The following GALNT13 variants were observed in gnomAD, a reference collection of about 807,000 sequenced individuals.
GALNT13 encodes polypeptide N-acetylgalactosaminyltransferase 13.
In GALNT13, 28 loss-of-function variants were observed where a neutral mutation model predicts 64.2. The observed-to-expected ratio is 0.44, with a 90% CI of 0.32 to 0.60. GALNT13 has a LOEUF of 0.60. Among genes scored for constraint, GALNT13 ranks in the 20% least tolerant of loss-of-function variants. The pLI is 0.05. For missense variants in GALNT13, 577 were observed against 669.8 expected, an observed-to-expected ratio of 0.86 and a Z score of 1.53; for synonymous variants, 214 against 224.6, an observed-to-expected ratio of 0.95 and a Z score of 0.42.
At chr2:154,026,091 A>G (rs530977694) in intron 3 of GALNT13, among the ~76,000 whole-genome samples, 1 of 152,284 alleles carries the variant, frequency 6.6e-6, no homozygotes, top group South Asian at 2.1e-4. Flanking sequence ...TTAAATGATT[A>G]TATAACAGTA....
At chr2:153,674,701 G>A in the GALNT13 span, among the ~76,000 whole-genome samples, 37 of 152,216 alleles carry the variant, frequency 2.4e-4, 1 homozygote, top group South Asian at 4.4e-3. Context: ...TTGACAAATA[G>A]GATCTAATTA....
intron 3 of GALNT13, among the ~76,000 whole-genome samples, chr2:153,952,484 C>T (rs1459246800): frequency 6.7e-6 from 1 of 150,358 alleles, no homozygotes; most frequent in Non-Finnish European, 1.5e-5. Flanking sequence ...TTTGGTTAGT[C>T]TACAGATAAT....
chr2:153,862,081 ATGAGAGG>A, the GALNT13 span, among the ~76,000 whole-genome samples: 1 of 152,206 alleles, frequency 6.6e-6, no homozygotes, highest in Non-Finnish European at 1.5e-5. Flanking sequence ...TGTATGTTTT[ATGAGAGG>A]TGGCTATAAA....
the GALNT13 span, among the ~76,000 whole-genome samples, chr2:153,346,845 T>C: frequency 1.3e-5 from 2 of 152,186 alleles, no homozygotes; most frequent in Non-Finnish European, 2.9e-5. Context: ...TAATTCTATA[T>C]CATAGGTGTC....
intron 3 of GALNT13, among the ~76,000 whole-genome samples, chr2:154,032,521 T>C (rs1000839763): frequency 1.3e-5 from 2 of 151,738 alleles, no homozygotes; most frequent in African/African-American, 4.8e-5. Context: ...TCAATAAAAT[T>C]TTAAGAAAAA....
intron 9 of GALNT13, among the ~76,000 whole-genome samples, chr2:154,373,588 T>C (rs1299875267): frequency 1.3e-5 from 2 of 152,194 alleles, no homozygotes; most frequent in African/African-American, 4.8e-5. Context: ...CACTGGACTT[T>C]TTGCCCTCAA....
the GALNT13 span, among the ~76,000 whole-genome samples, chr2:153,648,451 C>T: frequency 6.6e-6 from 1 of 152,128 alleles, no homozygotes; most frequent in South Asian, 2.1e-4. Flanking sequence ...ATTGAATACC[C>T]TGTATTTCCT....
the GALNT13 span, among the ~76,000 whole-genome samples, chr2:153,087,298 G>T: frequency 1.3e-5 from 2 of 152,054 alleles, no homozygotes; most frequent in Non-Finnish European, 2.9e-5. Context: ...ATTTGCATAT[G>T]TTAAACCACC....
chr2:153,351,999 G>T, the GALNT13 span, among the ~76,000 whole-genome samples: 3 of 152,222 alleles, frequency 2.0e-5, no homozygotes, highest in South Asian at 4.1e-4. Flanking sequence ...TGCATCATAT[G>T]ATAAGAGTAT....
At chr2:154,140,135 C>T (rs1683174049) in intron 3 of GALNT13, among the ~76,000 whole-genome samples, 1 of 152,026 alleles carries the variant, frequency 6.6e-6, no homozygotes, top group African/African-American at 2.4e-5. Context: ...TATAATTTAT[C>T]TAAACTTGGA....
the GALNT13 span, among the ~76,000 whole-genome samples, chr2:153,134,975 A>G: frequency 2.6e-5 from 4 of 152,156 alleles, no homozygotes; most frequent in Admixed American, 2.6e-4. Context: ...ATAGTGAGAG[A>G]GTCACAGGTT....
chr2:153,113,676 T>C, the GALNT13 span, among the ~76,000 whole-genome samples: 1 of 152,128 alleles, frequency 6.6e-6, no homozygotes, highest in Admixed American at 6.5e-5. Flanking sequence ...CTAAAAGATA[T>C]GTAATTACAT....
At chr2:154,401,076 G>A (rs991133814) in intron 10 of GALNT13, among the ~76,000 whole-genome samples, 2 of 152,170 alleles carry the variant, frequency 1.3e-5, no homozygotes, top group African/African-American at 4.8e-5. Flanking sequence ...ATTAGCATAT[G>A]CATTTTGTAT....
the GALNT13 span, among the ~76,000 whole-genome samples, chr2:153,280,216 A>T: frequency 2.0e-5 from 3 of 151,804 alleles, no homozygotes; most frequent in Non-Finnish European, 4.4e-5. Flanking sequence ...TTGTAATATC[A>T]CCTTTGCTGT....
intron 3 of GALNT13, among the ~76,000 whole-genome samples, chr2:153,993,520 C>A (rs1029401984): frequency 9.9e-5 from 15 of 151,522 alleles, no homozygotes; most frequent in Admixed American, 2.6e-4. Flanking sequence ...ATGGTGAAAC[C>A]CTGTCTGTAC....
the GALNT13 span, among the ~76,000 whole-genome samples, chr2:153,115,132 C>T: frequency 1.3e-5 from 2 of 152,284 alleles, no homozygotes; most frequent in East Asian, 1.9e-4. Context: ...CAGGTAAAGG[C>T]TTGGCCTCTC....
At chr2:153,716,226 A>G in the GALNT13 span, among the ~76,000 whole-genome samples, 3 of 152,208 alleles carry the variant, frequency 2.0e-5, no homozygotes, top group Non-Finnish European at 4.4e-5. Flanking sequence ...CACACTGAAT[A>G]TCTCAGATCC....
the GALNT13 span, among the ~76,000 whole-genome samples, chr2:153,425,623 T>C: frequency 3.3e-5 from 5 of 151,854 alleles, no homozygotes; most frequent in African/African-American, 1.2e-4. Context: ...AAATCACATA[T>C]TAAGTCTATG....
At chr2:153,817,119 G>T in the GALNT13 span, among the ~76,000 whole-genome samples, 1 of 152,194 alleles carries the variant, frequency 6.6e-6, no homozygotes, top group South Asian at 2.1e-4. Context: ...TCAGCCCTAA[G>T]CAAATGGCTC....
Sources: allele counts gnomAD v4.1 joint callset (sites outside exome capture counted in the v4.1 genomes callset), GRCh38; gene constraint gnomAD v4.1.1; transcripts MANE v1.5; gene names NCBI Gene and HGNC (gene_info 2026-07-23, HGNC 2026-07-21).